The following MSR1 variants were observed in gnomAD, a reference collection of about 807,000 sequenced individuals.
The protein encoded by MSR1 is macrophage scavenger receptor 1.
In MSR1, 53 loss-of-function variants were observed where a neutral mutation model predicts 47.2. The observed-to-expected ratio is 1.12, with a 90% confidence interval of 0.90 to 1.41. The LOEUF (loss-of-function observed/expected upper bound fraction) is 1.41, where lower values mean the gene tolerates loss of function less well. MSR1 is among the 40% of genes most tolerant of loss of function. The pLI, the probability that MSR1 is intolerant of heterozygous loss-of-function variation, is 0.00. For synonymous variants in MSR1, 239 were observed against 185.6 expected (o/e 1.29, Z -2.34); for missense variants, 786 against 546.9 (o/e 1.44, Z -4.36).
At chr8:16,167,870 C>G (rs968473799) in intron 4 of MSR1, among the ~76,000 whole-genome samples, 2 of 152,074 alleles carry the variant, frequency 1.3e-5, no homozygotes, top group African/African-American at 4.8e-5. Context: ...ATCCCAATAC[C>G]CTTTGATATG....
chr8:16,188,856 C>A (rs1038091154), intron 1 of MSR1, among the ~76,000 whole-genome samples: 12 of 151,708 alleles, frequency 7.9e-5, no homozygotes, highest in African/African-American at 2.9e-4. Flanking sequence ...TTTTTTATGG[C>A]TGCATAGTAG....
At chr8:16,172,509 T>G (rs1190791187) in intron 3 of MSR1, among the ~76,000 whole-genome samples, 1 of 152,258 alleles carries the variant, frequency 6.6e-6, no homozygotes, top group African/African-American at 2.4e-5. Flanking sequence ...ACTTTTCTGT[T>G]TCACATATGA....
chr8:16,187,364 CAAAAAA>C (rs751848634), intron 1 of MSR1, among the ~76,000 whole-genome samples: 4 of 35,436 alleles, frequency 1.1e-4, no homozygotes, highest in African/African-American at 4.8e-4. Flanking sequence ...ACTCTGTCTC[CAAAAAA>C]AAAAAAAAAA....
At chr8:16,179,104 G>C (rs1236772997) in intron 1 of MSR1, among the ~76,000 whole-genome samples, 1 of 152,054 alleles carries the variant, frequency 6.6e-6, no homozygotes, top group African/African-American at 2.4e-5. Flanking sequence ...TGTTTTTTGA[G>C]TGTGGAAAAA....
rs142849198 is a variant in MSR1, at chr8:16,177,585, C to T, written c.103+301G>A. Reference sequence around the variant, plus strand: ...TCTAGAAAACTAATACAGGCACCTACCACCCATGATTTTCGAATATTAGCT... The same window carrying T: ...TCTAGAAAACTAATACAGGCACCTATCACCCATGATTTTCGAATATTAGCT... On this transcript the variant is annotated intron_variant, in intron 2 of 9. Coordinates refer to ENST00000262101, the MANE Select transcript of MSR1 (RefSeq NM_138715.3). 1.1e-3 allele frequency among the ~76,000 whole-genome samples: 173 copies of T among 152,116 alleles called. 1 individual carries two copies. Among genetic ancestry groups the T allele is most frequent in the African/African-American group, 3.7e-3 (154 of 41,490 alleles).
rs1202007800 is a variant in MSR1 at position 16,177,065 on chromosome 8, G to T, written c.103+821C>A. On this transcript the variant is annotated intron_variant, in intron 2 of 9. Transcript: ENST00000262101. ...GTAACTTTCTCCTGACATCTTAAATGATCCTGTTGAGATACAGCTGAGTAT... is the reference window on the plus strand; with the variant it reads ...GTAACTTTCTCCTGACATCTTAAATTATCCTGTTGAGATACAGCTGAGTAT... 2.0e-5 allele frequency among the ~76,000 whole-genome samples: 3 copies of T among 152,158 alleles called. No homozygotes were observed. In the East Asian group the frequency reaches 5.8e-4, roughly 29 times the overall value.
intron 5 of MSR1, among the ~76,000 whole-genome samples, chr8:16,157,188 G>A (rs1801035914): frequency 6.6e-6 from 1 of 151,962 alleles, no homozygotes; most frequent in African/African-American, 2.4e-5. Context: ...AAGGGACACA[G>A]AGAATAGATC....
At chr8:16,174,879 G>T (rs1254533346) in intron 3 of MSR1, among the ~76,000 whole-genome samples, 2 of 152,102 alleles carry the variant, frequency 1.3e-5, no homozygotes, top group Non-Finnish European at 2.9e-5. Flanking sequence ...ACATTAGAAG[G>T]AGAGGACTCT....
At chr8:16,138,641 A>G (rs970479408) in intron 8 of MSR1, among the ~76,000 whole-genome samples, 1 of 152,140 alleles carries the variant, frequency 6.6e-6, no homozygotes, top group African/African-American at 2.4e-5. Context: ...CGTGTGGCTG[A>G]TGTAGACCAA....
At chr8:16,149,842 GC>G (rs1174177243) in intron 7 of MSR1, among the ~76,000 whole-genome samples, 1 of 150,820 alleles carries the variant, frequency 6.6e-6, no homozygotes, top group Non-Finnish European at 1.5e-5. Context: ...TTTTTTCTTT[GC>G]CAGTCTTTCA....
chr8:16,145,698 G>A (rs1288536833), intron 7 of MSR1, among the ~76,000 whole-genome samples: 1 of 152,010 alleles, frequency 6.6e-6, no homozygotes, highest in African/African-American at 2.4e-5. Flanking sequence ...AAAATAAAAT[G>A]CCTTATCTCC....
chr8:16,186,297 G>T, intron 1 of MSR1: 1 of 1,114,608 alleles, frequency 9.0e-7, no homozygotes, highest in Non-Finnish European at 1.3e-6. Flanking sequence ...TTTCTGTTCT[G>T]TTTTCTCTCC....
intron 4 of MSR1, among the ~76,000 whole-genome samples, chr8:16,165,534 T>C (rs2117173263): frequency 6.6e-6 from 1 of 152,310 alleles, no homozygotes; most frequent in South Asian, 2.1e-4. Context: ...TGTTCTACTT[T>C]TATCCCATTT....
intron 4 of MSR1, 108 bp downstream of exon 4, chr8:16,168,350 G>C: frequency 9.3e-7 from 1 of 1,072,346 alleles, no homozygotes; most frequent in African/African-American, 1.6e-5. Flanking sequence ...AGGGTAAACA[G>C]GATGATGAAA....
In MSR1 at chr8:16,139,586, AC is replaced by A. The variant is rs573709585; in HGVS notation, c.1033+3971del. ...TCAGTAGAGAGAAACCAAAAATATA[AC>A]ATGTAATCCCATAAGAGATTTTTAG... On this transcript the variant is annotated intron_variant, in intron 8 of 9. Transcript: ENST00000262101. 3.2e-4 allele frequency: 313 copies of A among 973,512 alleles called. No homozygotes were observed. The African/African-American group carries it at 4.5e-3, about 14-fold the overall frequency. 60.3% of individuals were successfully genotyped at this position (973,512 alleles called of 1,614,324 possible). A position where few individuals can be genotyped will look rare whatever the true frequency, so the allele number is the denominator to read the frequency against.
chr8:16,154,973 T>C (rs1222892825), intron 6 of MSR1, 91 bp downstream of exon 6: 5 of 1,047,320 alleles, frequency 4.8e-6, no homozygotes, highest in African/African-American at 3.1e-5. Context: ...CTGCAGGATA[T>C]AAATAAAATA....
intron 9 of MSR1, among the ~76,000 whole-genome samples, chr8:16,112,372 C>T (rs1799777153): frequency 6.6e-6 from 1 of 152,074 alleles, no homozygotes; most frequent in South Asian, 2.1e-4. Flanking sequence ...ATGACTTTCT[C>T]AAATTTACAA....
At chr8:16,129,536 A>C (rs113146193) in intron 8 of MSR1, among the ~76,000 whole-genome samples, 2 of 152,052 alleles carry the variant, frequency 1.3e-5, no homozygotes. Context: ...ATTTGAGTTT[A>C]GCAGTTAGAG....
At chr8:16,128,594 A>G (rs1800182254) in intron 8 of MSR1, among the ~76,000 whole-genome samples, 1 of 152,168 alleles carries the variant, frequency 6.6e-6, no homozygotes, top group South Asian at 2.1e-4. Flanking sequence ...TTCTGTTCTG[A>G]CAGCCCAAGC....
Sources: allele counts gnomAD v4.1 joint callset (sites outside exome capture counted in the v4.1 genomes callset), GRCh38; gene constraint gnomAD v4.1.1; transcripts MANE v1.5; gene names NCBI Gene and HGNC (gene_info 2026-07-23, HGNC 2026-07-21).